The following SLC35F1 variants were observed in gnomAD, a reference collection of about 807,000 sequenced individuals.
SLC35F1 encodes solute carrier family 35 member F1.
In SLC35F1, 14 loss-of-function variants were observed where a neutral mutation model predicts 48.7. The ratio of observed to expected loss-of-function variants is 0.29; its 90% CI spans 0.19 to 0.45. The LOEUF (loss-of-function observed/expected upper bound fraction) is 0.45, where lower values mean the gene tolerates loss of function less well. Ranked by LOEUF, SLC35F1 falls within the 20% of genes least tolerant of loss-of-function variation. SLC35F1 has a pLI of 1.00. For synonymous variants in SLC35F1, 190 were observed against 202.2 expected, an observed-to-expected ratio of 0.94 and a Z score of 0.51; for missense variants, 404 against 500.0, an observed-to-expected ratio of 0.81 and a Z score of 1.83.
chr6:118,111,790 C>G (rs1172014932), intron 1 of SLC35F1, among the ~76,000 whole-genome samples: 1 of 152,078 alleles, frequency 6.6e-6, no homozygotes, highest in Non-Finnish European at 1.5e-5. Context: ...AAATGAATTA[C>G]AGCAATATTA....
chr6:118,135,607 G>A lies in SLC35F1; in HGVS notation c.174-18838G>A, dbSNP rs140890666. ...AACTTCCTACTCACTCCACAGTCCA[G>A]TTGGATCTCAGCATCTGTCTCTGTA... is the stretch of plus-strand genomic sequence containing the variant. On this transcript the variant is annotated intron_variant, in intron 1 of 7. Coordinates refer to ENST00000360388, the MANE Select transcript of SLC35F1 (RefSeq NM_001029858.4). Among the ~76,000 whole-genome samples the A allele has an allele frequency of 3.9e-3, 587 of 152,272 alleles. 7 individuals carry two copies. The highest frequency in any genetic ancestry group is 0.013 in the African/African-American group (560 of 41,568).
At chr6:118,041,711 T>C (rs999018464) in intron 1 of SLC35F1, among the ~76,000 whole-genome samples, 1 of 152,134 alleles carries the variant, frequency 6.6e-6, no homozygotes, top group African/African-American at 2.4e-5. Context: ...GTAACCGCCC[T>C]TCAGAGATCT....
chr6:117,954,845 C>T (rs548635718), intron 1 of SLC35F1, among the ~76,000 whole-genome samples: 14 of 152,288 alleles, frequency 9.2e-5, no homozygotes, highest in African/African-American at 3.4e-4. Context: ...GCTAAATCTG[C>T]AAGAAATACA....
In SLC35F1 at chr6:118,215,143, C is replaced by T. The variant is rs563523860; in HGVS notation, c.350-20366C>T. On this transcript the variant is annotated intron_variant, in intron 2 of 7. Coordinates refer to ENST00000360388, the MANE Select transcript of SLC35F1 (RefSeq NM_001029858.4). ...AAAGTGGACTTTGAGTTAGGAGTCACTGAAAACCTGGGGAAAAAAAAATCT... is the reference window on the plus strand; with the variant it reads ...AAAGTGGACTTTGAGTTAGGAGTCATTGAAAACCTGGGGAAAAAAAAATCT... Among the ~76,000 whole-genome samples the T allele has an allele frequency of 5.9e-5, 9 of 152,060 alleles. No homozygotes were observed. The South Asian group carries it at 1.9e-3, about 32-fold the overall frequency.
In SLC35F1 at chr6:118,314,256, G is replaced by A. The variant is rs1776405927; in HGVS notation, c.*4G>A. On this transcript the variant is annotated 3_prime_UTR_variant, in exon 8 of 8. Coordinates refer to ENST00000360388, the MANE Select transcript of SLC35F1 (RefSeq NM_001029858.4). ...GCCTCATGTTCGTGTGGCCTAGGGT[G>A]AGGCCCGCCCTGCCAACTGAGGCCA... The A allele has an allele frequency of 6.2e-7, 1 of 1,613,660 alleles. No homozygotes were observed. Among genetic ancestry groups the A allele is most frequent in the Middle Eastern group, 1.7e-4 (1 of 6,060 alleles).
At chr6:117,954,248 GT>G (rs1042409057) in intron 1 of SLC35F1, among the ~76,000 whole-genome samples, 2 of 151,690 alleles carry the variant, frequency 1.3e-5, no homozygotes, top group East Asian at 3.9e-4. Flanking sequence ...ACAAGAGTTT[GT>G]TTTTTTTCTT....
intron 2 of SLC35F1, among the ~76,000 whole-genome samples, chr6:118,162,422 G>A (rs1037857814): frequency 2.0e-5 from 3 of 152,138 alleles, no homozygotes; most frequent in Non-Finnish European, 4.4e-5. Flanking sequence ...TGGGAGGATG[G>A]AAATGTTCTG....
chr6:117,909,802 A>G (rs927683021), intron 1 of SLC35F1, among the ~76,000 whole-genome samples: 1 of 152,146 alleles, frequency 6.6e-6, no homozygotes, highest in Admixed American at 6.5e-5. Context: ...TATGGGTAGA[A>G]CCTTGTGTTT....
At chr6:118,158,391 G>A (rs1001527034) in intron 2 of SLC35F1, among the ~76,000 whole-genome samples, 2 of 152,184 alleles carry the variant, frequency 1.3e-5, no homozygotes, top group Admixed American at 6.5e-5. Context: ...GATGGAAAGT[G>A]TGGTGTGTGC....
chr6:118,143,427 A>T (rs1773921551), intron 1 of SLC35F1, among the ~76,000 whole-genome samples: 1 of 152,190 alleles, frequency 6.6e-6, no homozygotes, highest in South Asian at 2.1e-4. Context: ...TGAGAACTAG[A>T]GTCAAAGTTC....
intron 1 of SLC35F1, among the ~76,000 whole-genome samples, chr6:118,022,550 G>A (rs1208736531): frequency 7.8e-6 from 1 of 128,574 alleles, no homozygotes; most frequent in Non-Finnish European, 1.5e-5. Flanking sequence ...CTGCAGAGAG[G>A]CAGAGCTCTC....
At chr6:118,102,418 A>G (rs941708202) in intron 1 of SLC35F1, among the ~76,000 whole-genome samples, 1 of 152,172 alleles carries the variant, frequency 6.6e-6, no homozygotes, top group Non-Finnish European at 1.5e-5. Context: ...TTCTGGGCTC[A>G]AGTGATCCTT....
chr6:118,152,709 CA>C (rs145085340), intron 1 of SLC35F1, among the ~76,000 whole-genome samples: 5,647 of 152,264 alleles, frequency 0.037, 135 homozygotes, highest in Non-Finnish European at 0.056. Context: ...CCCTCCCCCA[CA>C]TTCTGTTGGT....
At chr6:118,124,066 T>G (rs1050434089) in intron 1 of SLC35F1, among the ~76,000 whole-genome samples, 1 of 152,146 alleles carries the variant, frequency 6.6e-6, no homozygotes, top group Non-Finnish European at 1.5e-5. Context: ...CTTGAGACAC[T>G]CATAGTCTCA....
At chr6:118,142,819 A>G (rs972468211) in intron 1 of SLC35F1, among the ~76,000 whole-genome samples, 15 of 152,152 alleles carry the variant, frequency 9.9e-5, no homozygotes, top group African/African-American at 3.6e-4. Context: ...TAACAGGGCA[A>G]TTGGAGTCAT....
intron 1 of SLC35F1, among the ~76,000 whole-genome samples, chr6:118,017,120 GT>G (rs756625998): frequency 3.5e-4 from 54 of 152,184 alleles, no homozygotes; most frequent in Non-Finnish European, 1.5e-4. Flanking sequence ...TAGACCCAAT[GT>G]CTTGAATGGA....
chr6:117,918,929 G>A (rs143559218), intron 1 of SLC35F1, among the ~76,000 whole-genome samples: 1 of 152,126 alleles, frequency 6.6e-6, no homozygotes, highest in African/African-American at 2.4e-5. Context: ...AAAGTTTCAC[G>A]CCATCATCCA....
At chr6:118,288,484 T>C (rs903753523) in intron 7 of SLC35F1, among the ~76,000 whole-genome samples, 3 of 152,204 alleles carry the variant, frequency 2.0e-5, no homozygotes, top group African/African-American at 7.2e-5. Context: ...CATTTTCTGA[T>C]CAGCAGTTGG....
chr6:118,019,748 G>A (rs536729981), intron 1 of SLC35F1, among the ~76,000 whole-genome samples: 17 of 152,306 alleles, frequency 1.1e-4, no homozygotes, highest in African/African-American at 3.8e-4. Flanking sequence ...ACATTCTTGC[G>A]AATATATTAA....
Sources: gnomAD v4.1 joint callset for allele counts (sites outside exome capture counted in the v4.1 genomes callset) on GRCh38, gnomAD v4.1.1 for gene constraint, MANE v1.5 for transcripts, NCBI Gene and HGNC (gene_info 2026-07-23, HGNC 2026-07-21) for gene names.